DDX51: variants seen among roughly 807,000 people sequenced by gnomAD.
DDX51 encodes DEAD-box helicase 51, also known as ATP-dependent RNA helicase DDX51.
In DDX51, 67 loss-of-function variants were observed where a neutral mutation model predicts 74.6. That is an observed-to-expected ratio of 0.90 (90% CI 0.74 to 1.10). DDX51 has a LOEUF of 1.10. Ranked by LOEUF, DDX51 falls within the 50% of genes least tolerant of loss-of-function variation. The probability of loss-of-function intolerance (pLI) is 0.00; values close to 1 mark genes in which losing one functional copy is unlikely to be tolerated. For missense variants in DDX51, 1,056 were observed against 905.2 expected, an observed-to-expected ratio of 1.17 and a Z score of -2.14; for synonymous variants, 545 against 402.9, an observed-to-expected ratio of 1.35 and a Z score of -4.22.
rs1379443074 is a variant in DDX51 at position 132,140,700 on chromosome 12, C to T, written c.1476G>A (p.Pro492=). 12 of 1,613,032 alleles carry T rather than the reference C, an allele frequency of 7.4e-6. No individual in the cohort carries two copies. The highest frequency in any genetic ancestry group is 3.3e-5 in the Admixed American group (2 of 60,024). Residue 492 remains proline, a synonymous_variant, in exon 10 of 15, where the codon CCG becomes CCA. Coordinates refer to ENST00000397333, the MANE Select transcript of DDX51 (RefSeq NM_175066.4). The stretch of plus-strand genomic sequence containing the variant: ...CCAGGACCAGGTGCAGGACGACCAG[C>T]GGCTTAGAGCTGAGGCTGCAGGGCA... ...HYVPCSLSSK[P]LVVLHLVLEM...
In DDX51 at chr12:132,142,819, G is replaced by A. The variant is rs1371106989; in HGVS notation, c.579C>T (p.Thr193=). ...TGTCCTCGATAGGAACCAGGTCTTC[G>A]GTGACATTCCTTCTGACACAGTTAG... ...AEPNCVRRNV[T]EDLVPIEDIP... Residue 193 remains threonine, a synonymous_variant, in exon 3 of 15, where the codon ACC becomes ACT. Transcript: ENST00000397333. The A allele has an allele frequency of 6.8e-6, 11 of 1,612,942 alleles. No individual in the cohort carries two copies. The highest frequency in any genetic ancestry group is 1.7e-5 in the Admixed American group (1 of 60,010).
chr12:132,137,167 CCT>C lies in DDX51; in HGVS notation c.*2103_*2104del, dbSNP rs974870743. ...ACATCTTCTTGGGGTTACAGGCACC[CCT>C]CAGTCTGCTTTTAGCTTCCCTTAGT... is the stretch of plus-strand genomic sequence containing the variant. On this transcript the variant is annotated 3_prime_UTR_variant, in exon 15 of 15. Coordinates refer to ENST00000397333, the MANE Select transcript of DDX51 (RefSeq NM_175066.4). The C allele has an allele frequency of 3.9e-5, 6 of 152,190 alleles. No homozygotes were observed. The highest frequency in any genetic ancestry group is 1.4e-4 in the African/African-American group (6 of 41,430). 9.4% of individuals were successfully genotyped at this position (152,190 alleles called of 1,614,324 possible). A position where few individuals can be genotyped will look rare whatever the true frequency, so the allele number is the denominator to read the frequency against.
intron 5 of DDX51, 49 bp downstream of exon 5, chr12:132,142,070 G>A (rs894490307): frequency 2.5e-6 from 4 of 1,571,736 alleles, no homozygotes; most frequent in Non-Finnish European, 2.6e-6. Flanking sequence ...GCACTCAGCA[G>A]GGAAGCTGAG....
chr12:132,142,875 G>C lies in DDX51; in HGVS notation c.523C>G (p.Gln175Glu). The change falls in exon 3 of 15, where the codon CAG becomes GAG. Residue 175 changes from glutamine (Q) to glutamate (E), a missense_variant. Coordinates refer to ENST00000397333, the MANE Select transcript of DDX51 (RefSeq NM_175066.4). ...GFGKRKAPKV[Q>E]PFLPRWLAEP... ...GCCAGCCACCTTGGCAGGAAAGGCT[G>C]GACCTGCCATCAAAAAGAAAGAGAG... 2 of 1,612,638 alleles carry C rather than the reference G, an allele frequency of 1.2e-6. No individual in the cohort carries two copies. Among genetic ancestry groups the C allele is most frequent in the Non-Finnish European group, 1.7e-6 (2 of 1,179,998 alleles).
rs1287786173 is a variant in DDX51 at position 132,141,484 on chromosome 12, G to A, written c.1104+14C>T. On this transcript the variant is annotated intron_variant, in intron 7 of 14. Transcript: ENST00000397333. ...CCTGAGCTCAAAGCCCAGGCCCCTG[G>A]GGCGGGGACCTACCAGGAAGCGGAG... 1.3e-6 allele frequency: 2 copies of A among 1,583,186 alleles called. No homozygotes were observed. The highest frequency in any genetic ancestry group is 2.7e-5 in the African/African-American group (2 of 74,408).
At chr12:132,143,001 GC>G in intron 2 of DDX51, 123 bp from the exon 3 acceptor site, 3 of 1,298,342 alleles carry the variant, frequency 2.3e-6, no homozygotes, top group South Asian at 1.2e-5. Context: ...CTCCTTCTCA[GC>G]CCCAGGATGC....
rs1287390349 is a variant in DDX51 at position 132,139,758 on chromosome 12, G to T, written c.1851C>A (p.Phe617Leu). The stretch of plus-strand genomic sequence containing the variant: ...CCCCAGCTTCAGTTAGCATTCGGAG[G>T]AATCTCCTCTCCTGGAGAGAAGCTC... ...TLLLKVQERR[F>L]LRMLTEAGAP... The change falls in exon 14 of 15, where the codon TTC becomes TTA. Residue 617 changes from phenylalanine (F) to leucine (L), a missense_variant. Phe to Leu is a conservative substitution (Grantham distance 22, BLOSUM62 0). Coordinates refer to ENST00000397333, the MANE Select transcript of DDX51 (RefSeq NM_175066.4). 6.2e-7 allele frequency: 1 copy of T among 1,613,218 alleles called. No homozygotes were observed.
intron 2 of DDX51, 194 bp from the exon 3 acceptor site, chr12:132,143,072 C>A: frequency 1.5e-6 from 1 of 677,760 alleles, no homozygotes; most frequent in Non-Finnish European, 2.5e-6. Flanking sequence ...CCTGAGCAAA[C>A]TCACTCTGTA....
chr12:132,143,206 C>G, intron 2 of DDX51: 5 of 432,480 alleles, frequency 1.2e-5, no homozygotes, highest in South Asian at 1.1e-4. Context: ...ACCCCCAACC[C>G]CCAACCTTGA....
Position 132,141,301 on chromosome 12 carries a change from C to T in DDX51, c.1224G>A (p.Arg408=). 1.9e-6 allele frequency: 3 copies of T among 1,597,056 alleles called. No individual in the cohort carries two copies. The highest frequency in any genetic ancestry group is 2.5e-6 in the Non-Finnish European group (3 of 1,178,444). The change falls in exon 8 of 15, where the codon AGG becomes AGA. Residue 408 remains arginine, a synonymous_variant. Coordinates refer to ENST00000397333, the MANE Select transcript of DDX51 (RefSeq NM_175066.4). ...PADPCALLQR[R]QAQAVTAAST... ...TGGCGGCTGTCACAGCCTGGGCCTG[C>T]CTTCGCTGGAGCAGGGCACAGGGGT...
At chr12:132,140,595 C>A in intron 10 of DDX51, 25 bp downstream of exon 10, 2 of 1,612,672 alleles carry the variant, frequency 1.2e-6, no homozygotes, top group African/African-American at 1.3e-5. Flanking sequence ...CCACCTCTGC[C>A]ACCCCCGCCC....
rs1214940265 is a variant in DDX51 at position 132,138,990 on chromosome 12, G to A, written c.*282C>T. On this transcript the variant is annotated 3_prime_UTR_variant, in exon 15 of 15. Transcript: ENST00000397333. ...CAGCAAAAGCATGACGGGTGCCCGC[G>A]TCCGTCTGGGAGTACTTTTCACCGT... 1.5e-5 allele frequency: 7 copies of A among 473,714 alleles called. No homozygotes were observed. The highest frequency in any genetic ancestry group is 3.9e-5 in the African/African-American group (2 of 51,634). The allele number at this position is 473,714 out of a possible 1,614,324, so 29.3% of individuals were successfully genotyped here.
Position 132,139,719 on chromosome 12 carries a change from C to G in DDX51, c.1890G>C (p.Gln630His), listed in dbSNP as rs1430007857. 6.2e-7 allele frequency: 1 copy of G among 1,613,086 alleles called. No homozygotes were observed. The highest frequency in any genetic ancestry group is 8.5e-7 in the Non-Finnish European group (1 of 1,180,020). ...GCAGCTTGCTGGAGAGCTCGTGCCG[C>G]TGCAACTCAGGTGCCCCAGCTTCAG... ...MLTEAGAPEL[Q>H]RHELSSKLLQ... Residue 630 changes from glutamine (Q) to histidine (H), a missense_variant, in exon 14 of 15, where the codon CAG becomes CAC. Physicochemically the swap from Gln to His is conservative, Grantham distance 24 (BLOSUM62 0). Transcript: ENST00000397333.
rs1897265269 is a variant in DDX51, at chr12:132,136,674, G to A, written c.*2598C>T. 2.6e-5 allele frequency: 4 copies of A among 152,404 alleles called. No individual in the cohort carries two copies. The highest frequency in any genetic ancestry group is 1.3e-4 in the Admixed American group (2 of 15,284). 9.4% of individuals were successfully genotyped at this position (152,404 alleles called of 1,614,324 possible). ...GGCCTGAGCGGGTTGCTAAGTTGTA[G>A]TAAAGATGTCAAGGTTTCTTTTTTT... On this transcript the variant is annotated 3_prime_UTR_variant, in exon 15 of 15. Transcript: ENST00000397333.
In DDX51 at chr12:132,140,714, G is replaced by A. The variant is rs762395342; in HGVS notation, c.1462C>T (p.Leu488Phe). Residue 488 changes from leucine to phenylalanine, a missense_variant, in exon 10 of 15, where the codon CTC becomes TTC. By Grantham distance (22) the Leu-to-Phe change is conservative. Coordinates refer to ENST00000397333, the MANE Select transcript of DDX51 (RefSeq NM_175066.4). The part of the protein sequence containing the change: ...GLTHHYVPCS[L>F]SSKPLVVLHL... ...AGGACGACCAGCGGCTTAGAGCTGA[G>A]GCTGCAGGGCACGTAGTGGTGCTAC... The A allele has an allele frequency of 5.0e-6, 8 of 1,613,100 alleles. No homozygotes were observed. Among genetic ancestry groups the A allele is most frequent in the Non-Finnish European group, 6.8e-6 (8 of 1,180,026 alleles).
At position 132,137,809 on chromosome 12, in the gene DDX51, C is replaced by T. The variant is rs572674642; in HGVS notation, c.*1463G>A. On this transcript the variant is annotated 3_prime_UTR_variant, in exon 15 of 15. Coordinates refer to ENST00000397333, the MANE Select transcript of DDX51 (RefSeq NM_175066.4). The stretch of plus-strand genomic sequence containing the variant: ...GGTTTATAGAGGTGAGCAGCCATCA[C>T]CACACACAACCTAAGAACATTTTCA... 2.6e-5 allele frequency: 4 copies of T among 152,362 alleles called. No homozygotes were observed. The highest frequency in any genetic ancestry group is 9.6e-5 in the African/African-American group (4 of 41,574). 9.4% of individuals were successfully genotyped at this position (152,362 alleles called of 1,614,324 possible).
At chr12:132,139,790 G>A (rs1305621781) in intron 13 of DDX51, 21 bp from the exon 14 acceptor site, 2 of 1,612,980 alleles carry the variant, frequency 1.2e-6, no homozygotes, top group Non-Finnish European at 1.7e-6. Flanking sequence ...GCTCATGGTG[G>A]AAGGGGGTTC....
intron 12 of DDX51, 35 bp from the exon 13 acceptor site, chr12:132,139,959 C>T (rs769599491): frequency 2.5e-6 from 4 of 1,612,492 alleles, no homozygotes; most frequent in Non-Finnish European, 3.4e-6. Context: ...AGACTGGCCC[C>T]TGAGCCTTCA....
At chr12:132,141,181 C>T in intron 8 of DDX51, 94 bp downstream of exon 8, 3 of 1,508,658 alleles carry the variant, frequency 2.0e-6, no homozygotes, top group Non-Finnish European at 1.8e-6. Context: ...CACCAGAGCT[C>T]AAGCCACCCT....
Sources: gnomAD v4.1 joint callset for allele counts on GRCh38, gnomAD v4.1.1 for gene constraint, MANE v1.5 for transcripts, NCBI Gene and HGNC (gene_info 2026-07-23, HGNC 2026-07-21) for gene names.